The following RPS6KC1 variants were observed in gnomAD, a reference collection of about 807,000 sequenced individuals.
RPS6KC1 encodes ribosomal protein S6 kinase C1.
RPS6KC1 carries 54 observed loss-of-function variants against 103.8 expected under a neutral mutation model. The ratio of observed to expected loss-of-function variants is 0.52; its 90% CI spans 0.42 to 0.65. The LOEUF (loss-of-function observed/expected upper bound fraction) is 0.65. Ranked by LOEUF, RPS6KC1 falls within the 30% of genes least tolerant of loss-of-function variation. The probability of loss-of-function intolerance (pLI) is 0.00; values close to 1 mark genes in which losing one functional copy is unlikely to be tolerated. For missense variants in RPS6KC1, 1,151 were observed against 1,253.8 expected, an observed-to-expected ratio of 0.92 and a Z score of 1.24; for synonymous variants, 439 against 438.7, an observed-to-expected ratio of 1.00 and a Z score of -0.01.
At chr1:213,714,666 A>G in the RPS6KC1 span, among the ~76,000 whole-genome samples, 3 of 152,238 alleles carry the variant, frequency 2.0e-5, no homozygotes, top group African/African-American at 4.8e-5. Flanking sequence ...CCGTCCTCTG[A>G]CCAATGCCAA....
chr1:213,671,116 T>C, the RPS6KC1 span, among the ~76,000 whole-genome samples: 913 of 152,292 alleles, frequency 6.0e-3, 16 homozygotes, highest in African/African-American at 0.021. Flanking sequence ...TATTCATCAG[T>C]GAAGTTTTAT....
the RPS6KC1 span, among the ~76,000 whole-genome samples, chr1:213,565,384 G>T: frequency 6.6e-6 from 1 of 152,190 alleles, no homozygotes; most frequent in African/African-American, 2.4e-5. Context: ...CAGCAGGATG[G>T]ATGAATAAAT....
At chr1:213,066,306 G>A (rs995957450) in intron 1 of RPS6KC1, among the ~76,000 whole-genome samples, 1 of 152,232 alleles carries the variant, frequency 6.6e-6, no homozygotes, top group Non-Finnish European at 1.5e-5. Context: ...AATCAGGGAA[G>A]TATAACCCTG....
At chr1:213,071,876 CCTT>C (rs1051484248) in intron 2 of RPS6KC1, among the ~76,000 whole-genome samples, 2 of 144,168 alleles carry the variant, frequency 1.4e-5, no homozygotes, top group African/African-American at 5.3e-5. Flanking sequence ...CATTTTTTTT[CCTT>C]CTTTCTATAA....
At chr1:213,097,413 A>G (rs1182481388) in intron 3 of RPS6KC1, among the ~76,000 whole-genome samples, 1 of 152,198 alleles carries the variant, frequency 6.6e-6, no homozygotes, top group African/African-American at 2.4e-5. Flanking sequence ...TGGTCTTAAA[A>G]TATTCAGTAG....
At chr1:213,452,525 T>C in the RPS6KC1 span, among the ~76,000 whole-genome samples, 1 of 152,160 alleles carries the variant, frequency 6.6e-6, no homozygotes, top group Non-Finnish European at 1.5e-5. Context: ...AGCACCTAGA[T>C]AAAATGGCTG....
At chr1:213,150,740 G>A (rs1201983232) in intron 6 of RPS6KC1, among the ~76,000 whole-genome samples, 4 of 152,156 alleles carry the variant, frequency 2.6e-5, no homozygotes, top group East Asian at 1.9e-4. Context: ...GCAACCATCC[G>A]ATTTCTCAAT....
At chr1:213,232,750 T>G (rs932703413) in intron 10 of RPS6KC1, among the ~76,000 whole-genome samples, 3 of 152,138 alleles carry the variant, frequency 2.0e-5, no homozygotes, top group Non-Finnish European at 4.4e-5. Flanking sequence ...GCATCACATA[T>G]GGGTACAAAG....
At chr1:213,607,382 T>G in the RPS6KC1 span, among the ~76,000 whole-genome samples, 1 of 152,236 alleles carries the variant, frequency 6.6e-6, no homozygotes, top group South Asian at 2.1e-4. Context: ...TAATTTTCCC[T>G]CTTTTACAGA....
At chr1:213,262,120 G>A (rs567181990) in intron 13 of RPS6KC1, among the ~76,000 whole-genome samples, 2 of 152,234 alleles carry the variant, frequency 1.3e-5, no homozygotes, top group South Asian at 4.1e-4. Context: ...TATACTCTCA[G>A]ATGAATGACT....
At chr1:213,168,376 C>T (rs995865090) in intron 7 of RPS6KC1, among the ~76,000 whole-genome samples, 4 of 152,088 alleles carry the variant, frequency 2.6e-5, no homozygotes, top group Non-Finnish European at 5.9e-5. Flanking sequence ...CTATTGGTCA[C>T]CTGGAATTAT....
chr1:213,240,325 G>T (rs556807809), intron 10 of RPS6KC1, among the ~76,000 whole-genome samples: 1 of 151,966 alleles, frequency 6.6e-6, no homozygotes, highest in African/African-American at 2.4e-5. Context: ...GGGGCCATGC[G>T]TGAAAAAATT....
At chr1:213,154,639 C>A (rs1287108575) in intron 6 of RPS6KC1, among the ~76,000 whole-genome samples, 1 of 152,198 alleles carries the variant, frequency 6.6e-6, no homozygotes, top group African/African-American at 2.4e-5. Context: ...GGGACTCACC[C>A]TTGAGGGTAG....
chr1:213,602,050 TTCTTTCTCTTTCTTTCTTTCTTTCTTTC>T, the RPS6KC1 span, among the ~76,000 whole-genome samples: 1 of 70,028 alleles, frequency 1.4e-5, no homozygotes, highest in Admixed American at 1.7e-4. Context: ...CTTTCTTTCT[TTCTTTCTCTTTCTTTCTTTCTTTCTTTC>T]TCTTTCTTTC....
At chr1:213,316,745 G>C in the RPS6KC1 span, among the ~76,000 whole-genome samples, 2 of 151,844 alleles carry the variant, frequency 1.3e-5, no homozygotes, top group Non-Finnish European at 2.9e-5. Context: ...TGGAGGGGAG[G>C]TCTGTGGGTT....
chr1:213,805,290 G>T, the RPS6KC1 span, among the ~76,000 whole-genome samples: 1 of 152,178 alleles, frequency 6.6e-6, no homozygotes, highest in Non-Finnish European at 1.5e-5. Flanking sequence ...TTTCTCTGTA[G>T]CATGCAATAC....
the RPS6KC1 span, among the ~76,000 whole-genome samples, chr1:213,659,458 T>C: frequency 6.6e-6 from 1 of 152,220 alleles, no homozygotes; most frequent in Non-Finnish European, 1.5e-5. Context: ...ATTTCTTCTT[T>C]TCAGACTGTC....
chr1:213,372,628 G>A, the RPS6KC1 span, among the ~76,000 whole-genome samples: 1 of 152,200 alleles, frequency 6.6e-6, no homozygotes, highest in South Asian at 2.1e-4. Context: ...TTAGCCCAGT[G>A]TCAGAGCAGT....
rs2093229676 is a variant in RPS6KC1 at position 213,203,265 on chromosome 1, C to T, written c.1044+26773C>T. 4.6e-5 allele frequency among the ~76,000 whole-genome samples: 7 copies of T among 152,130 alleles called. No homozygotes were observed. The South Asian group carries it at 1.5e-3, about 32-fold the overall frequency. On this transcript the variant is annotated intron_variant, in intron 8 of 14. Transcript: ENST00000366960. ...TTTGAAATGCTACAATGAGCATTTC[C>T]TTTGAGTGTCATGTCAGTTCTCAAA...
Sources: gnomAD v4.1 joint callset for allele counts (sites outside exome capture counted in the v4.1 genomes callset) on GRCh38, gnomAD v4.1.1 for gene constraint, MANE v1.5 for transcripts, NCBI Gene and HGNC (gene_info 2026-07-23, HGNC 2026-07-21) for gene names.